Variants in STPG2 observed in about 807,000 individuals in gnomAD.
STPG2 encodes sperm tail PG-rich repeat containing 2.
STPG2 carries 56 observed loss-of-function variants against 54.2 expected under a neutral mutation model. That is an observed-to-expected ratio of 1.03 (90% CI 0.83 to 1.29). The LOEUF is 1.29. Among genes scored for constraint, STPG2 ranks in the 50% most tolerant of loss-of-function variants. The pLI is 0.00. For synonymous variants in STPG2, 200 were observed against 181.8 expected (o/e 1.10, Z -0.81); for missense variants, 596 against 544.9 (o/e 1.09, Z -0.93).
chr4:98,014,599 T>C (rs1735871071), intron 5 of STPG2, among the ~76,000 whole-genome samples: 1 of 152,220 alleles, frequency 6.6e-6, no homozygotes, highest in Admixed American at 6.5e-5. Flanking sequence ...GTTGTAGCTA[T>C]TGTTAAATAC....
At chr4:98,078,252 A>G (rs534283468) in intron 5 of STPG2, among the ~76,000 whole-genome samples, 118 of 152,294 alleles carry the variant, frequency 7.7e-4, no homozygotes, top group African/African-American at 2.5e-3. Context: ...GTCCTTTGTT[A>G]TCATTATAAT....
intron 9 of STPG2, among the ~76,000 whole-genome samples, chr4:97,739,860 T>G (rs1419096911): frequency 5.3e-5 from 8 of 152,308 alleles, no homozygotes; most frequent in Admixed American, 1.3e-4. Flanking sequence ...CTAACTCATT[T>G]TATGATGCCA....
chr4:97,919,324 CAAAAGAAAAAATATAAAGAAATAGAAAT>C (rs796443658), intron 8 of STPG2, among the ~76,000 whole-genome samples: 127 of 149,812 alleles, frequency 8.5e-4, no homozygotes, highest in African/African-American at 2.9e-3. Context: ...ACAAGAAATG[CAAAAGAAAAAATATAAAGAAATAGAAAT>C]TAAATATATA....
chr4:97,898,795 G>C (rs1731056328), intron 8 of STPG2, among the ~76,000 whole-genome samples: 1 of 151,640 alleles, frequency 6.6e-6, no homozygotes, highest in Non-Finnish European at 1.5e-5. Context: ...ATATGGGGAA[G>C]AGAGAAAAAT....
intron 9 of STPG2, among the ~76,000 whole-genome samples, chr4:97,807,484 A>C (rs1280930469): frequency 6.6e-6 from 1 of 151,962 alleles, no homozygotes; most frequent in Admixed American, 6.6e-5. Flanking sequence ...TCATTTTGTG[A>C]TATACTGCCT....
chr4:97,909,743 A>C (rs765981348), intron 8 of STPG2, among the ~76,000 whole-genome samples: 18 of 152,204 alleles, frequency 1.2e-4, no homozygotes, highest in Non-Finnish European at 2.4e-4. Context: ...AAAATTTAGA[A>C]TATATTCCTA....
At chr4:97,717,100 T>C (rs1724313144) in intron 9 of STPG2, among the ~76,000 whole-genome samples, 1 of 152,128 alleles carries the variant, frequency 6.6e-6, no homozygotes, top group South Asian at 2.1e-4. Context: ...GCTCTTCCAC[T>C]ACCTCTAAGA....
intron 5 of STPG2, among the ~76,000 whole-genome samples, chr4:98,018,357 T>G (rs1194761639): frequency 6.6e-6 from 1 of 152,240 alleles, no homozygotes; most frequent in African/African-American, 2.4e-5. Flanking sequence ...TCATCATTTT[T>G]TATGGCTGCA....
chr4:97,882,217 C>T (rs950655574), intron 8 of STPG2, among the ~76,000 whole-genome samples: 39 of 152,144 alleles, frequency 2.6e-4, no homozygotes, highest in African/African-American at 8.9e-4. Context: ...ATTAGCACTA[C>T]ACTATGGACT....
chr4:97,711,794 C>G (rs1158730259), intron 10 of STPG2, among the ~76,000 whole-genome samples: 1 of 151,550 alleles, frequency 6.6e-6, no homozygotes, highest in East Asian at 1.9e-4. Flanking sequence ...CCCAGCCTCC[C>G]GAGTAGCTGG....
chr4:97,667,294 T>C (rs1278542755), intron 10 of STPG2, among the ~76,000 whole-genome samples: 1 of 152,208 alleles, frequency 6.6e-6, no homozygotes, highest in Admixed American at 6.5e-5. Flanking sequence ...TCAACAAACA[T>C]TTTTAAGGCT....
chr4:98,015,402 T>C (rs1735910568), intron 5 of STPG2, among the ~76,000 whole-genome samples: 1 of 152,096 alleles, frequency 6.6e-6, no homozygotes, highest in African/African-American at 2.4e-5. Flanking sequence ...GCAAATGATA[T>C]GAATAGACAC....
chr4:97,709,533 G>T lies in STPG2; in HGVS notation c.1320+3166C>A, dbSNP rs866013403. On this transcript the variant is annotated intron_variant, in intron 10 of 10. Transcript: ENST00000295268. ...TATTGAACTTCAATTAATTTCAGCAGAATTTTTGCTTTTTTAAGAGATATA... is the reference window on the plus strand; with the variant it reads ...TATTGAACTTCAATTAATTTCAGCATAATTTTTGCTTTTTTAAGAGATATA... 2.0e-5 allele frequency among the ~76,000 whole-genome samples: 3 copies of T among 151,276 alleles called. No individual in the cohort carries two copies. The East Asian group carries it at 5.8e-4, about 29-fold the overall frequency.
At chr4:97,701,333 T>C (rs1026196830) in intron 10 of STPG2, among the ~76,000 whole-genome samples, 6 of 152,112 alleles carry the variant, frequency 3.9e-5, no homozygotes, top group Admixed American at 6.5e-5. Flanking sequence ...ACCCCTTTAA[T>C]TATCTGACCT....
chr4:98,045,212 C>A (rs927770047), intron 5 of STPG2, among the ~76,000 whole-genome samples: 1 of 123,256 alleles, frequency 8.1e-6, no homozygotes, highest in Non-Finnish European at 1.9e-5. Flanking sequence ...TTTTCCCTGT[C>A]ATGCTCATCA....
At chr4:97,941,911 G>A (rs1463448458) in intron 8 of STPG2, among the ~76,000 whole-genome samples, 1 of 151,866 alleles carries the variant, frequency 6.6e-6, no homozygotes, top group East Asian at 1.9e-4. Context: ...TGGGTAACCA[G>A]AGTCCCACTG....
At chr4:97,924,727 A>G in intron 8 of STPG2, among the ~76,000 whole-genome samples, 1 of 152,338 alleles carries the variant, frequency 6.6e-6, no homozygotes, top group South Asian at 2.1e-4. Flanking sequence ...TGATATAAAG[A>G]GGTTTTAATG....
At chr4:97,896,235 G>T (rs1730948695) in intron 8 of STPG2, among the ~76,000 whole-genome samples, 1 of 151,770 alleles carries the variant, frequency 6.6e-6, no homozygotes, top group South Asian at 2.1e-4. Flanking sequence ...ACTGTGGCAA[G>T]AGAGACAGAA....
At chr4:97,694,884 T>C (rs1205571245) in intron 10 of STPG2, among the ~76,000 whole-genome samples, 1 of 142,288 alleles carries the variant, frequency 7.0e-6, no homozygotes, top group Non-Finnish European at 1.5e-5. Context: ...GGCAGACAGA[T>C]TCACAGCTGA....
Sources: allele counts gnomAD v4.1 joint callset (sites outside exome capture counted in the v4.1 genomes callset), GRCh38; gene constraint gnomAD v4.1.1; transcripts MANE v1.5; gene names NCBI Gene and HGNC (gene_info 2026-07-23, HGNC 2026-07-21).